Variants in MAD1L1 observed in about 807,000 individuals in gnomAD.
MAD1L1 encodes the protein mitotic arrest deficient 1 like 1, also known as mitotic spindle assembly checkpoint protein MAD1.
Under a neutral mutation model 96.9 loss-of-function variants are expected in MAD1L1, and 95 were observed. The ratio of observed to expected loss-of-function variants is 0.98; its 90% CI spans 0.83 to 1.16. The LOEUF (loss-of-function observed/expected upper bound fraction) is 1.16, where lower values mean the gene tolerates loss of function less well. Ranked by LOEUF, MAD1L1 falls within the 50% of genes most tolerant of loss-of-function variation. The pLI, the probability that MAD1L1 is intolerant of heterozygous loss-of-function variation, is 0.00. For missense variants in MAD1L1, 1,007 were observed against 954.4 expected (o/e 1.06, Z -0.73); for synonymous variants, 473 against 396.6 (o/e 1.19, Z -2.29).
intron 16 of MAD1L1, chr7:1,940,440 A>T (rs757098323): frequency 5.9e-5 from 9 of 152,258 alleles, no homozygotes; most frequent in Admixed American, 1.3e-4. Flanking sequence ...AGTATGCAGA[A>T]TCCAGCCACC....
At chr7:2,052,001 C>T (rs1284124851) in intron 12 of MAD1L1, among the ~76,000 whole-genome samples, 2 of 152,080 alleles carry the variant, frequency 1.3e-5, no homozygotes, top group South Asian at 2.1e-4. Flanking sequence ...TTTACAGGGG[C>T]GTCAGGCAGG....
At chr7:2,049,672 G>A (rs1784079605) in intron 12 of MAD1L1, among the ~76,000 whole-genome samples, 1 of 152,194 alleles carries the variant, frequency 6.6e-6, no homozygotes, top group Admixed American at 6.5e-5. Context: ...AGGGGCACTG[G>A]GCACTGCCTG....
intron 15 of MAD1L1, among the ~76,000 whole-genome samples, chr7:1,970,231 G>A (rs1468318208): frequency 6.6e-6 from 1 of 151,980 alleles, no homozygotes; most frequent in Non-Finnish European, 1.5e-5. Flanking sequence ...ATTCCTGAAG[G>A]GTTGATGTTA....
At chr7:2,150,578 G>A (rs190439124) in intron 10 of MAD1L1, among the ~76,000 whole-genome samples, 25 of 152,208 alleles carry the variant, frequency 1.6e-4, no homozygotes, top group Middle Eastern at 3.4e-3. Flanking sequence ...CACGCCCCTC[G>A]CCATCCCATG....
intron 10 of MAD1L1, among the ~76,000 whole-genome samples, chr7:2,199,879 G>A (rs1428768438): frequency 2.0e-5 from 3 of 152,246 alleles, no homozygotes; most frequent in Non-Finnish European, 4.4e-5. Flanking sequence ...CACCATCCAG[G>A]TCAGCTGGAC....
intron 10 of MAD1L1, among the ~76,000 whole-genome samples, chr7:2,178,974 T>C (rs1219676860): frequency 6.6e-6 from 1 of 152,110 alleles, no homozygotes; most frequent in Non-Finnish European, 1.5e-5. Flanking sequence ...TCAAAAATTT[T>C]TACTCATCCA....
At chr7:1,870,805 GCCTGCCACGCTGAACCGACCATAACA>G (rs1785031136) in intron 18 of MAD1L1, among the ~76,000 whole-genome samples, 4 of 72,708 alleles carry the variant, frequency 5.5e-5, no homozygotes, top group Admixed American at 3.1e-4. Flanking sequence ...CCCAACATAT[GCCTGCCACGCTGAACCGACCATAACA>G]CCTGCCACGC....
intron 10 of MAD1L1, among the ~76,000 whole-genome samples, chr7:2,149,903 T>TA (rs1386327555): frequency 6.6e-6 from 1 of 152,200 alleles, no homozygotes; most frequent in African/African-American, 2.4e-5. Flanking sequence ...CATGCAAAGT[T>TA]ACGCCAGTGG....
Position 2,103,899 on chromosome 7 carries a change from G to A in MAD1L1, c.1074-34561C>T, listed in dbSNP as rs929285199. On this transcript the variant is annotated intron_variant, in intron 11 of 18. Transcript: ENST00000265854. The surrounding 1 kb of genome is among the most constrained non-coding windows in gnomAD (Gnocchi z 4.3). The stretch of plus-strand genomic sequence containing the variant: ...GGGAGACCACCAGTTCTGATGCCAC[G>A]CCATACAACACTCCACCCCGCTGGA... Among the ~76,000 whole-genome samples, 9 of 152,196 alleles carry A rather than the reference G, an allele frequency of 5.9e-5. No homozygotes were observed. Among genetic ancestry groups the A allele is most frequent in the African/African-American group, 1.7e-4 (7 of 41,432 alleles).
intron 15 of MAD1L1, among the ~76,000 whole-genome samples, chr7:1,975,921 G>C (rs1437394487): frequency 2.0e-5 from 3 of 152,218 alleles, no homozygotes; most frequent in Non-Finnish European, 4.4e-5. Context: ...CGTCTAACCA[G>C]TTGCTGAATC....
Position 2,119,494 on chromosome 7 carries a change from T to A in MAD1L1, c.1073+29658A>T, listed in dbSNP as rs988604952. ...GACGCCACAAGAGCAGCTCTTTACA[T>A]CCTCCTGGCCCTGTGCAAGTTGACC... On this transcript the variant is annotated intron_variant, in intron 11 of 18. Transcript: ENST00000265854. This position sits in a 1 kb window ranked among gnomAD's most constrained non-coding sequence, Gnocchi z 4.6. Among the ~76,000 whole-genome samples, 1 of 152,042 alleles carries A rather than the reference T, an allele frequency of 6.6e-6. No individual in the cohort carries two copies. Among genetic ancestry groups the A allele is most frequent in the Non-Finnish European group, 1.5e-5 (1 of 68,002 alleles).
chr7:2,198,224 G>A (rs1046879654), intron 10 of MAD1L1, among the ~76,000 whole-genome samples: 2 of 152,058 alleles, frequency 1.3e-5, no homozygotes, highest in African/African-American at 2.4e-5. Flanking sequence ...CCAAAGTGCT[G>A]GGATTACAGG....
intron 12 of MAD1L1, among the ~76,000 whole-genome samples, chr7:2,023,536 G>A (rs746112720): frequency 2.6e-5 from 4 of 151,934 alleles, no homozygotes; most frequent in Non-Finnish European, 4.4e-5. Context: ...GCCATGCTTA[G>A]AGGAAAATTT....
At chr7:2,153,844 T>A (rs1173949406) in intron 10 of MAD1L1, among the ~76,000 whole-genome samples, 1 of 152,218 alleles carries the variant, frequency 6.6e-6, no homozygotes, top group Non-Finnish European at 1.5e-5. Context: ...CACAGTGGAA[T>A]GCTATCCGGC....
intron 16 of MAD1L1, among the ~76,000 whole-genome samples, chr7:1,954,039 G>A (rs972174181): frequency 3.9e-5 from 6 of 152,010 alleles, no homozygotes; most frequent in African/African-American, 1.2e-4. Flanking sequence ...GTCCTGCCCC[G>A]TAGCCTGTGA....
intron 18 of MAD1L1, among the ~76,000 whole-genome samples, chr7:1,868,744 C>A (rs1342493824): frequency 6.6e-6 from 1 of 152,208 alleles, no homozygotes; most frequent in Non-Finnish European, 1.5e-5. Flanking sequence ...GGCTCAGCAC[C>A]AAGGGGCCAA....
At chr7:1,948,716 G>C (rs73290589) in intron 16 of MAD1L1, among the ~76,000 whole-genome samples, 1 of 152,044 alleles carries the variant, frequency 6.6e-6, no homozygotes, top group Non-Finnish European at 1.5e-5. Flanking sequence ...CAGGGAAGAC[G>C]GCATGTGAGA....
intron 18 of MAD1L1, among the ~76,000 whole-genome samples, chr7:1,877,989 G>A (rs1785471472): frequency 1.3e-5 from 2 of 152,076 alleles, no homozygotes; most frequent in Admixed American, 6.5e-5. Context: ...AATCAGAAAT[G>A]GAAGAAGGGA....
At chr7:2,115,818 G>A (rs1244117823) in intron 11 of MAD1L1, among the ~76,000 whole-genome samples, 1 of 152,258 alleles carries the variant, frequency 6.6e-6, no homozygotes, top group Admixed American at 6.5e-5. Context: ...GCACTGAGGT[G>A]CTGCCATCAG....
Sources: gnomAD v4.1 joint callset for allele counts (sites outside exome capture counted in the v4.1 genomes callset) on GRCh38, gnomAD v4.1.1 for gene constraint, Gnocchi (gnomAD v3.1) non-coding constraint, MANE v1.5 for transcripts, NCBI Gene and HGNC (gene_info 2026-07-23, HGNC 2026-07-21) for gene names.